CNTN4: variants seen among roughly 807,000 people sequenced by gnomAD.
The protein encoded by CNTN4 is contactin-4.
Under a neutral mutation model 122.5 loss-of-function variants are expected in CNTN4, and 77 were observed. That is an observed-to-expected ratio of 0.63 (90% CI 0.52 to 0.76). The LOEUF (loss-of-function observed/expected upper bound fraction) is 0.76, where lower values mean the gene tolerates loss of function less well. CNTN4 is among the 30% of genes least tolerant of loss of function. The probability of loss-of-function intolerance (pLI) is 0.00; values close to 1 mark genes in which losing one functional copy is unlikely to be tolerated. For missense variants in CNTN4, 1,256 were observed against 1,259.1 expected (o/e 1.00, Z 0.04); for synonymous variants, 512 against 447.0 (o/e 1.15, Z -1.83).
At chr3:3,024,514 C>T (rs1698569942) in intron 14 of CNTN4, among the ~76,000 whole-genome samples, 1 of 151,674 alleles carries the variant, frequency 6.6e-6, no homozygotes, top group South Asian at 2.1e-4. Flanking sequence ...TTTTCTATCC[C>T]ATTACCTCTT....
In CNTN4 at chr3:2,627,723, G is replaced by A. The variant is rs542729893; in HGVS notation, c.55+56165G>A. Among the ~76,000 whole-genome samples, 23 of 151,672 alleles carry A rather than the reference G, an allele frequency of 1.5e-4. No homozygotes were observed. In the East Asian group the frequency reaches 2.7e-3, roughly 18 times the overall value. ...TTAGCCAGGATGGTCTCGATCTCCT[G>A]ACCTTGTGATCTGCCCGCCTCGGCC... On this transcript the variant is annotated intron_variant, in intron 4 of 24. Transcript: ENST00000418658.
chr3:2,492,982 T>C (rs1332014990), intron 3 of CNTN4, among the ~76,000 whole-genome samples: 1 of 152,242 alleles, frequency 6.6e-6, no homozygotes. Flanking sequence ...CCTGGGGGCA[T>C]TAAGAACTGT....
At chr3:2,621,711 G>C (rs2081997255) in intron 4 of CNTN4, among the ~76,000 whole-genome samples, 1 of 152,096 alleles carries the variant, frequency 6.6e-6, no homozygotes, top group Non-Finnish European at 1.5e-5. Flanking sequence ...CCCATGGAAT[G>C]AGAACGAAAT....
chr3:2,477,459 A>C (rs998457100), intron 3 of CNTN4, among the ~76,000 whole-genome samples: 1 of 152,138 alleles, frequency 6.6e-6, no homozygotes, highest in Non-Finnish European at 1.5e-5. Context: ...AATTATAACA[A>C]CCTTACAAAC....
chr3:2,689,798 G>C (rs1256626532), intron 4 of CNTN4, among the ~76,000 whole-genome samples: 1 of 152,056 alleles, frequency 6.6e-6, no homozygotes, highest in Non-Finnish European at 1.5e-5. Flanking sequence ...TACGAATCCA[G>C]GGCTTCTGTA....
intron 3 of CNTN4, among the ~76,000 whole-genome samples, chr3:2,487,857 C>T (rs576069801): frequency 1.6e-4 from 25 of 152,126 alleles, no homozygotes; most frequent in Admixed American, 1.4e-3. Context: ...AATTAATTTT[C>T]GCAGTAACAA....
At chr3:2,166,764 T>G (rs2036210792) in intron 2 of CNTN4, among the ~76,000 whole-genome samples, 1 of 152,126 alleles carries the variant, frequency 6.6e-6, no homozygotes. Context: ...GGGGAGCTCT[T>G]AGAGACCGTT....
chr3:2,818,594 G>C (rs2092793385), intron 6 of CNTN4, among the ~76,000 whole-genome samples: 1 of 152,184 alleles, frequency 6.6e-6, no homozygotes, highest in Non-Finnish European at 1.5e-5. Context: ...TCCTTATTGA[G>C]AGGATTTACA....
intron 14 of CNTN4, among the ~76,000 whole-genome samples, chr3:3,001,443 A>C (rs1222771234): frequency 1.3e-5 from 2 of 152,224 alleles, no homozygotes; most frequent in Non-Finnish European, 2.9e-5. Flanking sequence ...AGGTGTGTTT[A>C]AATGTCAGCT....
rs2048549079 is a variant in CNTN4, at chr3:2,444,471, T to G, written c.-89+105238T>G. 1.3e-5 allele frequency among the ~76,000 whole-genome samples: 2 copies of G among 152,108 alleles called. 1 individual carries two copies. Among genetic ancestry groups the G allele is most frequent in the South Asian group, 4.1e-4 (2 of 4,822 alleles). On this transcript the variant is annotated intron_variant, in intron 3 of 24. Transcript: ENST00000418658. ...GGGGCAGCCTTCTTGGAAGCTCATT[T>G]ACCGTATTCGAGAAAGAGAAAGGCA...
rs139609267 is a variant in CNTN4 at position 2,824,473 on chromosome 3, A to T, written c.454+4892A>T. On this transcript the variant is annotated intron_variant, in intron 7 of 24. Transcript: ENST00000418658. ...CTCTGGCTCAAAAAAAACAAAAACA[A>T]AAACAAAAACAAAACTGTAGCTGAC... 1.7e-4 allele frequency among the ~76,000 whole-genome samples: 26 copies of T among 152,004 alleles called. No homozygotes were observed. The East Asian group carries it at 5.1e-3, about 30-fold the overall frequency.
At chr3:3,022,864 G>C (rs1052820197) in intron 14 of CNTN4, among the ~76,000 whole-genome samples, 1 of 152,130 alleles carries the variant, frequency 6.6e-6, no homozygotes, top group Non-Finnish European at 1.5e-5. Flanking sequence ...GATGTTGTTG[G>C]TCCTATTTAT....
chr3:2,903,625 A>G (rs1005081990), intron 12 of CNTN4, among the ~76,000 whole-genome samples: 1 of 152,162 alleles, frequency 6.6e-6, no homozygotes, highest in African/African-American at 2.4e-5. Context: ...CTCAGTTCGC[A>G]TCTTCCATCT....
chr3:3,035,609 T>G (rs966060307), intron 17 of CNTN4, among the ~76,000 whole-genome samples: 3 of 152,126 alleles, frequency 2.0e-5, no homozygotes, highest in Admixed American at 6.5e-5. Context: ...CAGGCTGGAG[T>G]GCAGTGGTAC....
intron 3 of CNTN4, among the ~76,000 whole-genome samples, chr3:2,440,119 G>T (rs770180125): frequency 8.0e-4 from 121 of 152,114 alleles, no homozygotes; most frequent in Non-Finnish European, 1.6e-3. Flanking sequence ...TCAGTCATTT[G>T]TCCACTGTCC....
chr3:2,743,104 C>G (rs1157265986), intron 5 of CNTN4, among the ~76,000 whole-genome samples: 1 of 152,164 alleles, frequency 6.6e-6, no homozygotes, highest in Non-Finnish European at 1.5e-5. Flanking sequence ...TGCCCACAAC[C>G]ACTTTTCTAA....
At chr3:2,738,415 A>C (rs1214432999) in intron 5 of CNTN4, among the ~76,000 whole-genome samples, 1 of 152,184 alleles carries the variant, frequency 6.6e-6, no homozygotes, top group Non-Finnish European at 1.5e-5. Context: ...AAATAACTAC[A>C]TTTTTAGGCA....
chr3:2,433,938 A>G (rs1041096723), intron 3 of CNTN4, among the ~76,000 whole-genome samples: 2 of 152,178 alleles, frequency 1.3e-5, no homozygotes, highest in Admixed American at 1.3e-4. Flanking sequence ...TTTGACTTGC[A>G]TGTGGAATTT....
intron 4 of CNTN4, among the ~76,000 whole-genome samples, chr3:2,726,097 A>G (rs1217588340): frequency 6.6e-6 from 1 of 152,092 alleles, no homozygotes; most frequent in Non-Finnish European, 1.5e-5. Context: ...CCTATCCTTT[A>G]ATTTTGCTCT....
Sources: gnomAD v4.1 joint callset for allele counts (sites outside exome capture counted in the v4.1 genomes callset) on GRCh38, gnomAD v4.1.1 for gene constraint, MANE v1.5 for transcripts, NCBI Gene and HGNC (gene_info 2026-07-23, HGNC 2026-07-21) for gene names.